Variants in HHAT observed in about 807,000 individuals in gnomAD.
HHAT encodes protein-cysteine N-palmitoyltransferase HHAT.
A neutral mutation model predicts 70.8 loss-of-function variants in HHAT; 47 were observed. The observed-to-expected ratio is 0.66, with a 90% CI of 0.53 to 0.85. The LOEUF (loss-of-function observed/expected upper bound fraction) is 0.85. HHAT is among the 40% of genes least tolerant of loss of function. HHAT has a pLI of 0.00. For synonymous variants in HHAT, 228 were observed against 247.6 expected, an observed-to-expected ratio of 0.92 and a Z score of 0.74; for missense variants, 609 against 604.8, an observed-to-expected ratio of 1.01 and a Z score of -0.07.
At chr1:210,343,279 G>A (rs1041285889) in intron 1 of HHAT, among the ~76,000 whole-genome samples, 5 of 152,130 alleles carry the variant, frequency 3.3e-5, no homozygotes, top group African/African-American at 1.2e-4. Context: ...GTAGAAGCTC[G>A]AGGTTGCTGC....
chr1:210,474,292 A>G (rs547435463), intron 8 of HHAT, among the ~76,000 whole-genome samples: 1 of 152,220 alleles, frequency 6.6e-6, no homozygotes, highest in African/African-American at 2.4e-5. Context: ...GAGATAAATA[A>G]TAATTATTTA....
chr1:210,361,628 C>T (rs550956589), intron 2 of HHAT, among the ~76,000 whole-genome samples: 39 of 152,146 alleles, frequency 2.6e-4, no homozygotes, highest in African/African-American at 9.2e-4. Flanking sequence ...TGACAGCACT[C>T]TCTCCTGGGT....
intron 9 of HHAT, among the ~76,000 whole-genome samples, chr1:210,577,638 T>A: frequency 1.2e-5 from 1 of 80,614 alleles, no homozygotes; most frequent in East Asian, 2.9e-4. Flanking sequence ...GCCTGTAGGA[T>A]TTTTTTTTTT....
intron 11 of HHAT, among the ~76,000 whole-genome samples, chr1:210,661,402 C>T (rs1406353140): frequency 1.3e-5 from 2 of 152,182 alleles, no homozygotes; most frequent in Non-Finnish European, 2.9e-5. Flanking sequence ...CAGGAAACAA[C>T]AGATGCTGGA....
chr1:210,641,022 G>A (rs936102698), intron 11 of HHAT, among the ~76,000 whole-genome samples: 7 of 152,148 alleles, frequency 4.6e-5, no homozygotes, highest in African/African-American at 1.4e-4. Context: ...GGGGTTTTAC[G>A]AGTTATCTGG....
At chr1:210,654,089 T>C (rs1392330205) in intron 11 of HHAT, among the ~76,000 whole-genome samples, 1 of 19,716 alleles carries the variant, frequency 5.1e-5, no homozygotes, top group African/African-American at 1.7e-4. Context: ...GGGAGTAGTG[T>C]GACAGGAATA....
chr1:210,587,767 C>T (rs1443281881), intron 9 of HHAT, 131 bp from the exon 10 acceptor site: 1 of 705,600 alleles, frequency 1.4e-6, no homozygotes, highest in South Asian at 1.8e-5. Context: ...TCCAAGGAAT[C>T]TGGCCTCTTG....
chr1:210,543,460 A>T lies in HHAT; in HGVS notation c.1043+30272A>T, dbSNP rs74974859. On this transcript the variant is annotated intron_variant, in intron 9 of 11. Coordinates refer to ENST00000261458, the MANE Select transcript of HHAT (RefSeq NM_018194.6). ...CTGAGCTTGGTGACTTGCACCTGTA[A>T]TCCCAGCATTCTGAGAGGCTGAGCC... Among the ~76,000 whole-genome samples, 494 of 152,012 alleles carry T rather than the reference A, an allele frequency of 3.2e-3. 13 individuals are homozygous for T. In the East Asian group the frequency reaches 0.073, roughly 22 times the overall value.
chr1:210,369,369 A>T lies in HHAT; in HGVS notation c.159+6450A>T, dbSNP rs368401960. On this transcript the variant is annotated intron_variant, in intron 3 of 11. Transcript: ENST00000261458. ...CTGTGAGGAGGCTTAGGAAGAAGAGACAGAGGCAGACGGGAGCTTGAATAC... is the reference window on the plus strand; with the variant it reads ...CTGTGAGGAGGCTTAGGAAGAAGAGTCAGAGGCAGACGGGAGCTTGAATAC... 3.2e-4 allele frequency among the ~76,000 whole-genome samples: 49 copies of T among 152,366 alleles called. 2 individuals are homozygous for T. The South Asian group carries it at 9.9e-3, about 31-fold the overall frequency.
intron 8 of HHAT, among the ~76,000 whole-genome samples, chr1:210,484,722 T>C (rs1381869452): frequency 6.6e-6 from 1 of 152,126 alleles, no homozygotes; most frequent in South Asian, 2.1e-4. Context: ...CCCAATTTGT[T>C]TCTATATTTA....
rs565645161 is a variant in HHAT at position 210,366,665 on chromosome 1, A to G, written c.159+3746A>G. ...ACAAGAAACAATTTAAAAAGTCTCC[A>G]TGCATTGCCAAATGCCCCCAGGAGG... On this transcript the variant is annotated intron_variant, in intron 3 of 11. Transcript: ENST00000261458. Among the ~76,000 whole-genome samples, 25 of 152,324 alleles carry G rather than the reference A, an allele frequency of 1.6e-4. No individual in the cohort carries two copies. In the South Asian group the frequency reaches 4.3e-3, roughly 26 times the overall value.
intron 9 of HHAT, among the ~76,000 whole-genome samples, chr1:210,574,479 C>T (rs1657160418): frequency 6.6e-6 from 1 of 152,266 alleles, no homozygotes. Context: ...GAATCCACTG[C>T]AAGTGGGACC....
chr1:210,559,779 G>A (rs1028837044), intron 9 of HHAT, among the ~76,000 whole-genome samples: 1 of 152,104 alleles, frequency 6.6e-6, no homozygotes. Flanking sequence ...TCCTTCTTTT[G>A]ACCATCCAGT....
At chr1:210,384,449 G>A (rs1046243873) in intron 3 of HHAT, among the ~76,000 whole-genome samples, 2 of 152,208 alleles carry the variant, frequency 1.3e-5, no homozygotes, top group African/African-American at 4.8e-5. Context: ...TTGGTCCCCA[G>A]GCTGGTAGTA....
chr1:210,559,974 G>A (rs900498527), intron 9 of HHAT, among the ~76,000 whole-genome samples: 2 of 150,188 alleles, frequency 1.3e-5, no homozygotes, highest in African/African-American at 5.1e-5. Flanking sequence ...GGGGATTGGA[G>A]GCTTTCATCC....
rs377654145 is a variant in HHAT, at chr1:210,652,585, C to T, written c.1391-21703C>T. On this transcript the variant is annotated intron_variant, in intron 11 of 11. Transcript: ENST00000261458. ...CTGGCCCTGCCTATGGAGGCTCCCG[C>T]AACTCAGTGCCCTTGCCTGTGCCCT... Among the ~76,000 whole-genome samples the T allele has an allele frequency of 1.2e-4, 19 of 152,312 alleles. No individual in the cohort carries two copies. The East Asian group carries it at 3.3e-3, about 26-fold the overall frequency.
chr1:210,599,547 A>G (rs1378739527), intron 10 of HHAT, among the ~76,000 whole-genome samples: 3 of 152,130 alleles, frequency 2.0e-5, no homozygotes, highest in Non-Finnish European at 4.4e-5. Context: ...TAAAGCCATT[A>G]TGTTATCCTT....
intron 11 of HHAT, among the ~76,000 whole-genome samples, chr1:210,649,463 C>T (rs190399814): frequency 1.4e-3 from 211 of 152,352 alleles, no homozygotes; most frequent in Admixed American, 4.0e-3. Flanking sequence ...CAGAATACAG[C>T]AGTGATTGGT....
At chr1:210,659,193 A>G (rs184209797) in intron 11 of HHAT, among the ~76,000 whole-genome samples, 3 of 152,372 alleles carry the variant, frequency 2.0e-5, no homozygotes, top group Admixed American at 6.5e-5. Flanking sequence ...GCCACTAGCA[A>G]GACTAACAAA....
Sources: gnomAD v4.1 joint callset for allele counts (sites outside exome capture counted in the v4.1 genomes callset) on GRCh38, gnomAD v4.1.1 for gene constraint, MANE v1.5 for transcripts, NCBI Gene and HGNC (gene_info 2026-07-23, HGNC 2026-07-21) for gene names.